PNPLA8: variants seen among roughly 807,000 people sequenced by gnomAD.
PNPLA8 encodes calcium-independent phospholipase A2-gamma.
PNPLA8 carries 39 observed loss-of-function variants against 76.9 expected under a neutral mutation model. The observed-to-expected ratio is 0.51, with a 90% CI of 0.39 to 0.66. The LOEUF (loss-of-function observed/expected upper bound fraction) is 0.66, where lower values mean the gene tolerates loss of function less well. PNPLA8 is among the 30% of genes least tolerant of loss of function. PNPLA8 has a pLI of 0.00. For missense variants in PNPLA8, 887 were observed against 918.0 expected (o/e 0.97, Z 0.44); for synonymous variants, 301 against 307.9 (o/e 0.98, Z 0.24).
At chr7:108,490,574 G>A (rs1302225513) in intron 8 of PNPLA8, among the ~76,000 whole-genome samples, 1 of 152,154 alleles carries the variant, frequency 6.6e-6, no homozygotes, top group Non-Finnish European at 1.5e-5. Context: ...ACGAGGTCAG[G>A]AGATCGAGAC....
intron 10 of PNPLA8, among the ~76,000 whole-genome samples, chr7:108,476,617 C>T (rs1860012593): frequency 6.6e-6 from 1 of 152,176 alleles, no homozygotes; most frequent in Admixed American, 6.5e-5. Flanking sequence ...ACCATATGAT[C>T]CAGCAATCCC....
chr7:108,500,842 A>C (rs1433480888), intron 5 of PNPLA8, among the ~76,000 whole-genome samples: 27 of 152,020 alleles, frequency 1.8e-4, no homozygotes, highest in Admixed American at 1.8e-3. Flanking sequence ...TGAACCTGGG[A>C]GGTGGAGGTT....
At chr7:108,491,734 G>A (rs577761114) in intron 7 of PNPLA8, among the ~76,000 whole-genome samples, 1 of 152,332 alleles carries the variant, frequency 6.6e-6, no homozygotes, top group Non-Finnish European at 1.5e-5. Context: ...TGGAAAAGAT[G>A]CAGGAAGGTT....
chr7:108,487,847 C>T lies in PNPLA8; in HGVS notation c.1790G>A (p.Cys597Tyr), dbSNP rs148675971. The T allele has an allele frequency of 3.7e-6, 6 of 1,613,354 alleles. No homozygotes were observed. The highest frequency in any genetic ancestry group is 5.1e-6 in the Non-Finnish European group (6 of 1,179,462). The change falls in exon 9 of 11, where the codon TGT (cysteine) becomes TAT (tyrosine). Residue 597 changes from cysteine to tyrosine, a missense_variant. Coordinates refer to ENST00000257694, the MANE Select transcript of PNPLA8 (RefSeq NM_001256007.3). ...PGINSHYLGG[C>Y]QYKMWQAIRA... The stretch of plus-strand genomic sequence containing the variant: ...AATGGCCTGCCACATTTTATACTGA[C>T]AGCCTCCCAAATAATGAGAGTTGAT...
intron 2 of PNPLA8, among the ~76,000 whole-genome samples, chr7:108,520,196 A>G (rs1262360657): frequency 6.6e-6 from 1 of 152,214 alleles, no homozygotes; most frequent in African/African-American, 2.4e-5. Context: ...CAGAGGTGGA[A>G]GGGGAAATTT....
chr7:108,500,914 CAA>C (rs35813927), intron 5 of PNPLA8, among the ~76,000 whole-genome samples: 1 of 145,166 alleles, frequency 6.9e-6, no homozygotes. Context: ...AACTCCGTCT[CAA>C]AAAAAAAAAA....
intron 8 of PNPLA8, among the ~76,000 whole-genome samples, chr7:108,489,271 C>T (rs1860967965): frequency 6.6e-6 from 1 of 152,190 alleles, no homozygotes; most frequent in Non-Finnish European, 1.5e-5. Flanking sequence ...TCATCACAGC[C>T]TCTGAGGCCC....
upstream of PNPLA8, among the ~76,000 whole-genome samples, chr7:108,526,494 C>G (rs1381629025): frequency 6.6e-6 from 1 of 152,184 alleles, no homozygotes; most frequent in East Asian, 1.9e-4. Flanking sequence ...TCCTGGTTTG[C>G]TTGTTTGCGG....
At chr7:108,525,306 C>T (rs1044984608) in intron 1 of PNPLA8, among the ~76,000 whole-genome samples, 29 of 152,202 alleles carry the variant, frequency 1.9e-4, no homozygotes, top group African/African-American at 6.8e-4. Flanking sequence ...GAAATTAGGA[C>T]TGCAGAACCA....
intron 7 of PNPLA8, chr7:108,496,344 G>A (rs1273792651): frequency 3.1e-6 from 1 of 324,554 alleles, no homozygotes; most frequent in Non-Finnish European, 5.5e-6. Context: ...TTTTAAAAAA[G>A]GCAATTGCAA....
chr7:108,489,544 T>C (rs538718754), intron 8 of PNPLA8, among the ~76,000 whole-genome samples: 14 of 152,370 alleles, frequency 9.2e-5, no homozygotes, highest in African/African-American at 2.2e-4. Context: ...ATAGCACTTA[T>C]GTATTTCAGG....
chr7:108,487,032 T>A (rs746652735), intron 9 of PNPLA8, among the ~76,000 whole-genome samples: 76 of 152,182 alleles, frequency 5.0e-4, no homozygotes, highest in Non-Finnish European at 8.2e-4. Context: ...TTAGTGTAAG[T>A]TATGAATTAA....
rs966853276 is a variant in PNPLA8 at position 108,514,860 on chromosome 7, A to G, written c.632T>C (p.Ile211Thr). 3 of 1,609,328 alleles carry G rather than the reference A, an allele frequency of 1.9e-6. No homozygotes were observed. ...GDSFYFLSNH[I>T]NSYFKRKEKM... ...TTCCTTACGTTTGAAATATGAATTA[A>G]TATGATTTGATAAAAAGTAGAATGA... Residue 211 changes from isoleucine (I) to threonine (T), a missense_variant, in exon 3 of 11, where the codon ATT becomes ACT. Ile to Thr is a moderately conservative substitution (Grantham distance 89, BLOSUM62 -1). Coordinates refer to ENST00000257694, the MANE Select transcript of PNPLA8 (RefSeq NM_001256007.3).
chr7:108,487,781 G>A lies in PNPLA8; in HGVS notation c.1856C>T (p.Ala619Val), dbSNP rs757427781. The A allele has an allele frequency of 3.1e-6, 5 of 1,607,052 alleles. No individual in the cohort carries two copies. In the Middle Eastern group the frequency reaches 4.9e-4, roughly 159 times the overall value. ...TACTTGATGAAGATCATTTCCCAATGCATATTCTGCAAAGTAGCCTGGAGC... is the reference window on the plus strand; with the variant it reads ...TACTTGATGAAGATCATTTCCCAATACATATTCTGCAAAGTAGCCTGGAGC... ...SAAPGYFAEY[A>V]LGNDLHQDGG... The change falls in exon 9 of 11, where the codon GCA becomes GTA. Residue 619 changes from alanine to valine, a missense_variant. Coordinates refer to ENST00000257694, the MANE Select transcript of PNPLA8 (RefSeq NM_001256007.3).
Position 108,496,846 on chromosome 7 carries a change from A to C in PNPLA8, c.1454-91T>G, listed in dbSNP as rs577126130. 5.0e-6 allele frequency: 5 copies of C among 996,748 alleles called. No individual in the cohort carries two copies. The South Asian group carries it at 7.8e-5, about 15-fold the overall frequency. 61.7% of individuals were successfully genotyped at this position (996,748 alleles called of 1,614,324 possible). A position where few individuals can be genotyped will look rare whatever the true frequency, so the allele number is the denominator to read the frequency against. On this transcript the variant is annotated intron_variant, in intron 6 of 10. Transcript: ENST00000257694. ...GAATCATAGTTTTGGCTTAAATTTT[A>C]GCGTTGATACTTTCTAGCTATGTCA...
chr7:108,521,936 G>C (rs917356599), intron 1 of PNPLA8, among the ~76,000 whole-genome samples: 5 of 152,134 alleles, frequency 3.3e-5, no homozygotes, highest in African/African-American at 4.8e-5. Context: ...ACGATGGAAG[G>C]GGGGTTGGAT....
intron 4 of PNPLA8, among the ~76,000 whole-genome samples, chr7:108,512,456 T>G (rs1256346136): frequency 2.0e-5 from 3 of 152,166 alleles, no homozygotes; most frequent in African/African-American, 7.2e-5. Context: ...GACAATTCCC[T>G]AAATGTGGCT....
intron 4 of PNPLA8, chr7:108,510,883 T>C: frequency 6.3e-7 from 1 of 1,592,598 alleles, no homozygotes; most frequent in Non-Finnish European, 8.5e-7. Context: ...CTCCACGAGG[T>C]GGAATGAAGA....
chr7:108,476,350 G>C (rs777712225), intron 10 of PNPLA8, among the ~76,000 whole-genome samples: 1 of 152,126 alleles, frequency 6.6e-6, no homozygotes, highest in Non-Finnish European at 1.5e-5. Context: ...GCGACTGCCC[G>C]ACTAAAGCCA....
Sources: allele counts gnomAD v4.1 joint callset (sites outside exome capture counted in the v4.1 genomes callset), GRCh38; gene constraint gnomAD v4.1.1; transcripts MANE v1.5; gene names NCBI Gene and HGNC (gene_info 2026-07-23, HGNC 2026-07-21).